PALM2AKAP2: variants seen among roughly 807,000 people sequenced by gnomAD.
PALM2AKAP2 encodes the protein PALM2 and AKAP2 fusion.
In PALM2AKAP2, 37 loss-of-function variants were observed where a neutral mutation model predicts 71.5. The ratio of observed to expected loss-of-function variants is 0.52; its 90% CI spans 0.40 to 0.68. The LOEUF (loss-of-function observed/expected upper bound fraction) is 0.68. Ranked by LOEUF, PALM2AKAP2 falls within the 30% of genes least tolerant of loss-of-function variation. PALM2AKAP2 has a pLI of 0.00. For synonymous variants in PALM2AKAP2, 468 were observed against 478.8 expected, an observed-to-expected ratio of 0.98 and a Z score of 0.29; for missense variants, 1,224 against 1,191.8, an observed-to-expected ratio of 1.03 and a Z score of -0.40.
At chr9:110,013,069 G>T (rs1318716236) in intron 6 of PALM2AKAP2, among the ~76,000 whole-genome samples, 1 of 152,166 alleles carries the variant, frequency 6.6e-6, no homozygotes, top group African/African-American at 2.4e-5. Context: ...GTTGGCTGGG[G>T]CTTGGCTGAT....
intron 1 of PALM2AKAP2, chr9:109,760,350 G>A (rs537870143): frequency 6.6e-6 from 1 of 152,190 alleles, no homozygotes; most frequent in African/African-American, 2.4e-5. Flanking sequence ...AACACAGAAG[G>A]AAAGTTTAAT....
At chr9:109,848,130 C>T (rs1200629717) in intron 1 of PALM2AKAP2, among the ~76,000 whole-genome samples, 1 of 152,200 alleles carries the variant, frequency 6.6e-6, no homozygotes, top group Non-Finnish European at 1.5e-5. Flanking sequence ...GTGTTACTGA[C>T]CTGCACTCTG....
intron 2 of PALM2AKAP2, among the ~76,000 whole-genome samples, chr9:110,144,623 T>G (rs1836118106): frequency 6.6e-6 from 1 of 152,238 alleles, no homozygotes; most frequent in African/African-American, 2.4e-5. Flanking sequence ...AACATACTAT[T>G]ATTTAACACA....
At chr9:109,667,151 C>T (rs1009692670) in intron 1 of PALM2AKAP2, among the ~76,000 whole-genome samples, 4 of 151,996 alleles carry the variant, frequency 2.6e-5, no homozygotes, top group South Asian at 2.1e-4. Flanking sequence ...ATTCATAGGC[C>T]CTCCTCTGGA....
intron 6 of PALM2AKAP2, among the ~76,000 whole-genome samples, chr9:109,967,955 A>G (rs1831988628): frequency 6.6e-6 from 1 of 152,200 alleles, no homozygotes; most frequent in South Asian, 2.1e-4. Flanking sequence ...ACCAGATCAT[A>G]AGCTTCTTGA....
intron 1 of PALM2AKAP2, among the ~76,000 whole-genome samples, chr9:110,057,705 G>A (rs1833876823): frequency 6.6e-6 from 1 of 152,120 alleles, no homozygotes; most frequent in South Asian, 2.1e-4. Flanking sequence ...AACCAGTGCT[G>A]TAGGGGCTTG....
In PALM2AKAP2 at chr9:110,071,110, G is replaced by A. The variant is rs1040927885; in HGVS notation, c.156+22255G>A. Among the ~76,000 whole-genome samples, 9 of 132,550 alleles carry A rather than the reference G, an allele frequency of 6.8e-5. No individual in the cohort carries two copies. In the Admixed American group the frequency reaches 7.4e-4, roughly 11 times the overall value. The allele number at this position is 132,550 out of a possible 152,430, so 87.0% of individuals were successfully genotyped here. ...ACTCGAGAGGCGGAGGCTGCAGGGA[G>A]CCCAGATCATGCCACTGCACTCCAG... On this transcript the variant is annotated intron_variant, in intron 1 of 3. Coordinates refer to ENST00000374525, the Ensembl canonical transcript of PALM2AKAP2.
chr9:110,102,632 G>A (rs1358164442), intron 1 of PALM2AKAP2, among the ~76,000 whole-genome samples: 1 of 151,302 alleles, frequency 6.6e-6, no homozygotes. Flanking sequence ...ATTGGGCACT[G>A]CCAGGGCCCA....
At chr9:109,681,683 A>T (rs898048234) in intron 1 of PALM2AKAP2, among the ~76,000 whole-genome samples, 27 of 152,208 alleles carry the variant, frequency 1.8e-4, no homozygotes, top group African/African-American at 6.3e-4. Context: ...ATAGGCTGAA[A>T]TTTGAACTGC....
intron 2 of PALM2AKAP2, among the ~76,000 whole-genome samples, chr9:109,878,711 G>A (rs928348195): frequency 2.6e-5 from 4 of 152,150 alleles, no homozygotes; most frequent in Non-Finnish European, 1.5e-5. Flanking sequence ...AGGACCATTA[G>A]TGAAGTCTAA....
chr9:109,932,093 T>A, intron 6 of PALM2AKAP2, 65 bp downstream of exon 6: 1 of 1,484,008 alleles, frequency 6.7e-7, no homozygotes, highest in Non-Finnish European at 9.2e-7. Flanking sequence ...TGAGCTTTAT[T>A]AATGAGATGA....
intron 1 of PALM2AKAP2, among the ~76,000 whole-genome samples, chr9:110,092,835 G>A (rs539754339): frequency 2.6e-5 from 4 of 152,268 alleles, no homozygotes; most frequent in Admixed American, 1.3e-4. Context: ...AGCAGCTTCC[G>A]GCTTTTATTC....
At chr9:110,009,575 G>T (rs561100211) in intron 6 of PALM2AKAP2, among the ~76,000 whole-genome samples, 1 of 151,934 alleles carries the variant, frequency 6.6e-6, no homozygotes, top group East Asian at 1.9e-4. Flanking sequence ...TTAGCTGGGC[G>T]TGGTAGCGGG....
At chr9:109,910,769 T>C (rs1830552262) in intron 3 of PALM2AKAP2, among the ~76,000 whole-genome samples, 1 of 149,500 alleles carries the variant, frequency 6.7e-6, no homozygotes, top group African/African-American at 2.5e-5. Context: ...GGCTGAGGCA[T>C]GGACTTGACT....
intron 7 of PALM2AKAP2, among the ~76,000 whole-genome samples, chr9:110,039,039 A>G (rs1271697131): frequency 6.6e-6 from 1 of 151,884 alleles, no homozygotes; most frequent in Non-Finnish European, 1.5e-5. Context: ...GCTTGAGCCC[A>G]GGAGTTCAAG....
intron 1 of PALM2AKAP2, among the ~76,000 whole-genome samples, chr9:110,119,279 G>C (rs1436053007): frequency 4.0e-5 from 6 of 148,656 alleles, no homozygotes; most frequent in Admixed American, 6.8e-5. Flanking sequence ...GGAGGCAGAG[G>C]TTGCAGTGAG....
chr9:109,783,305 G>C (rs1314170078), intron 1 of PALM2AKAP2, among the ~76,000 whole-genome samples: 1 of 144,820 alleles, frequency 6.9e-6, no homozygotes, highest in Non-Finnish European at 1.5e-5. Flanking sequence ...TCTCTGAAGT[G>C]GAATGTGTAT....
Position 110,053,597 on chromosome 9 carries a change from G to A in PALM2AKAP2, c.156+4742G>A, listed in dbSNP as rs150419661. ...AAAGAAAAAAAGAGACATGTAACGG[G>A]AATTTGTTCCCATCTTGGTGACAGT... On this transcript the variant is annotated intron_variant, in intron 1 of 3. Coordinates refer to ENST00000374525, the Ensembl canonical transcript of PALM2AKAP2. Among the ~76,000 whole-genome samples the A allele has an allele frequency of 6.4e-3, 966 of 151,924 alleles. 12 individuals carry two copies. Among genetic ancestry groups the A allele is most frequent in the South Asian group, 0.046 (219 of 4,784 alleles).
intron 6 of PALM2AKAP2, among the ~76,000 whole-genome samples, chr9:109,989,536 C>G (rs1253333770): frequency 6.6e-6 from 1 of 152,150 alleles, no homozygotes; most frequent in Non-Finnish European, 1.5e-5. Context: ...AGTGATGGGC[C>G]TCAACCACAA....
Sources: allele counts gnomAD v4.1 joint callset (sites outside exome capture counted in the v4.1 genomes callset), GRCh38; gene constraint gnomAD v4.1.1; transcripts MANE v1.5; gene names NCBI Gene and HGNC (gene_info 2026-07-23, HGNC 2026-07-21).